The following BABAM2 variants were observed in gnomAD, a reference collection of about 807,000 sequenced individuals.
BABAM2 encodes BRISC and BRCA1-A complex member 2.
In BABAM2, 31 loss-of-function variants were observed where a neutral mutation model predicts 54.7. The ratio of observed to expected loss-of-function variants is 0.57; its 90% CI spans 0.43 to 0.77. The LOEUF is 0.77. Ranked by LOEUF, BABAM2 falls within the 30% of genes least tolerant of loss-of-function variation. The pLI is 0.00. For missense variants in BABAM2, 364 were observed against 455.8 expected (o/e 0.80, Z 1.83); for synonymous variants, 167 against 162.9 (o/e 1.03, Z -0.19).
chr2:27,973,316 A>T (rs1307539955), intron 3 of BABAM2, among the ~76,000 whole-genome samples: 2 of 151,876 alleles, frequency 1.3e-5, no homozygotes, highest in Non-Finnish European at 2.9e-5. Context: ...CCTGGTTTGG[A>T]TCCTAGGACA....
intron 10 of BABAM2, among the ~76,000 whole-genome samples, chr2:28,245,204 C>CA (rs1385588550): frequency 6.6e-6 from 1 of 151,944 alleles, no homozygotes; most frequent in East Asian, 1.9e-4. Flanking sequence ...CACACACACA[C>CA]AAAAAATTAT....
At chr2:27,950,238 G>A (rs1274346686) in intron 3 of BABAM2, among the ~76,000 whole-genome samples, 3 of 152,194 alleles carry the variant, frequency 2.0e-5, no homozygotes, top group African/African-American at 7.2e-5. Context: ...GATGGCTTCA[G>A]TGAAGAAAAG....
intron 3 of BABAM2, among the ~76,000 whole-genome samples, chr2:27,973,471 C>A (rs1671369565): frequency 6.6e-6 from 1 of 151,598 alleles, no homozygotes; most frequent in African/African-American, 2.4e-5. Flanking sequence ...GTCCCTAAGG[C>A]AGGCAAGCTC....
intron 3 of BABAM2, among the ~76,000 whole-genome samples, chr2:27,948,271 AT>A (rs886742003): frequency 3.5e-4 from 51 of 147,738 alleles, no homozygotes; most frequent in East Asian, 7.9e-4. Context: ...GATACAGTTG[AT>A]TTTTTTTTTT....
chr2:28,199,906 C>T (rs912191085), intron 7 of BABAM2, among the ~76,000 whole-genome samples: 8 of 152,054 alleles, frequency 5.3e-5, no homozygotes, highest in Admixed American at 3.3e-4. Context: ...TGGAGCTGGA[C>T]GGTTCCTAAC....
chr2:28,266,576 T>A (rs191623689), intron 10 of BABAM2, among the ~76,000 whole-genome samples: 1 of 152,368 alleles, frequency 6.6e-6, no homozygotes, highest in East Asian at 1.9e-4. Context: ...CCATTTATCA[T>A]CTTATTTAAT....
chr2:27,978,836 T>G (rs956761090), intron 3 of BABAM2, among the ~76,000 whole-genome samples: 1 of 152,094 alleles, frequency 6.6e-6, no homozygotes, highest in African/African-American at 2.4e-5. Context: ...TATTCCCCTC[T>G]TTGTGTCCAT....
chr2:27,949,141 A>G (rs939735066), intron 3 of BABAM2, among the ~76,000 whole-genome samples: 2 of 152,204 alleles, frequency 1.3e-5, no homozygotes, highest in Non-Finnish European at 2.9e-5. Flanking sequence ...CTTGGGGAAT[A>G]AGAAGGAAGG....
chr2:27,962,346 T>A (rs1670532504), intron 3 of BABAM2, among the ~76,000 whole-genome samples: 1 of 152,072 alleles, frequency 6.6e-6, no homozygotes, highest in South Asian at 2.1e-4. Flanking sequence ...CTTCAAGGGA[T>A]CCTCCTGGCC....
intron 11 of BABAM2, among the ~76,000 whole-genome samples, chr2:28,319,464 C>T (rs1264939925): frequency 1.3e-5 from 2 of 152,260 alleles, no homozygotes; most frequent in Non-Finnish European, 2.9e-5. Flanking sequence ...TCCAAATGCA[C>T]AGCTCCCTGC....
chr2:27,983,029 C>T (rs1482030323), intron 3 of BABAM2, among the ~76,000 whole-genome samples: 4 of 151,980 alleles, frequency 2.6e-5, no homozygotes, highest in Non-Finnish European at 5.9e-5. Flanking sequence ...GGTATATTCT[C>T]AGAAGTAGAT....
intron 3 of BABAM2, among the ~76,000 whole-genome samples, chr2:27,944,753 A>G (rs1669173671): frequency 6.6e-6 from 1 of 152,072 alleles, no homozygotes; most frequent in African/African-American, 2.4e-5. Context: ...TAGCAGTAGT[A>G]TTACTGTGTT....
At chr2:27,942,633 G>A (rs1275761154) in intron 3 of BABAM2, among the ~76,000 whole-genome samples, 1 of 151,436 alleles carries the variant, frequency 6.6e-6, no homozygotes. Context: ...CTCCTGAAGT[G>A]CTGGGATTAC....
intron 6 of BABAM2, among the ~76,000 whole-genome samples, chr2:28,092,427 A>T (rs1363875871): frequency 6.6e-6 from 1 of 152,224 alleles, no homozygotes; most frequent in African/African-American, 2.4e-5. Flanking sequence ...CTAACAGAAA[A>T]ACTGGAAAAG....
intron 10 of BABAM2, among the ~76,000 whole-genome samples, chr2:28,264,588 G>A (rs771234363): frequency 6.6e-5 from 10 of 152,178 alleles, no homozygotes; most frequent in East Asian, 5.8e-4. Flanking sequence ...GGCCAAAACC[G>A]TCAGTTCATA....
intron 1 of BABAM2, among the ~76,000 whole-genome samples, chr2:27,894,230 A>G (rs1665103543): frequency 6.6e-6 from 1 of 152,130 alleles, no homozygotes. Context: ...CGAGTGAGAT[A>G]GAGTGGGACC....
intron 7 of BABAM2, among the ~76,000 whole-genome samples, chr2:28,163,686 G>A (rs922434179): frequency 2.6e-5 from 4 of 152,178 alleles, no homozygotes; most frequent in African/African-American, 7.2e-5. Flanking sequence ...TAAGGGTGAG[G>A]CAATCTGTCC....
At chr2:27,976,759 G>A (rs924387886) in intron 3 of BABAM2, among the ~76,000 whole-genome samples, 2 of 151,978 alleles carry the variant, frequency 1.3e-5, no homozygotes, top group African/African-American at 4.8e-5. Flanking sequence ...TCTTTTTACT[G>A]TTTGAATGTG....
At chr2:28,166,259 C>T (rs1673663094) in intron 7 of BABAM2, among the ~76,000 whole-genome samples, 1 of 152,170 alleles carries the variant, frequency 6.6e-6, no homozygotes, top group South Asian at 2.1e-4. Flanking sequence ...GTAAAGATAA[C>T]TAGAGTCCAT....
Sources: allele counts gnomAD v4.1 joint callset (sites outside exome capture counted in the v4.1 genomes callset), GRCh38; gene constraint gnomAD v4.1.1; transcripts MANE v1.5; gene names NCBI Gene and HGNC (gene_info 2026-07-23, HGNC 2026-07-21).